Variants in CUX1 observed in about 807,000 individuals in gnomAD.
CUX1 encodes cut like homeobox 1.
Under a neutral mutation model 158.8 loss-of-function variants are expected in CUX1, and 31 were observed. The ratio of observed to expected loss-of-function variants is 0.20; its 90% confidence interval spans 0.15 to 0.26. CUX1 has a LOEUF of 0.26. Among genes scored for constraint, CUX1 ranks in the 10% least tolerant of loss-of-function variants. The pLI is 1.00. For synonymous variants in CUX1, 879 were observed against 862.1 expected (o/e 1.02, Z -0.34); for missense variants, 1,589 against 2,014.6 (o/e 0.79, Z 4.04).
chr7:102,262,068 C>T (rs1334966276), downstream of CUX1, among the ~76,000 whole-genome samples: 1 of 152,170 alleles, frequency 6.6e-6, no homozygotes, highest in Non-Finnish European at 1.5e-5. Context: ...GCTATAATTG[C>T]ACCACTGCAC....
chr7:102,208,292 G>A (rs1189687763), intron 20 of CUX1, among the ~76,000 whole-genome samples: 1 of 152,154 alleles, frequency 6.6e-6, no homozygotes, highest in Non-Finnish European at 1.5e-5. Flanking sequence ...CGCCTAGGCT[G>A]GAGTGCAGTG....
At chr7:102,056,771 A>G (rs976032162) in intron 3 of CUX1, among the ~76,000 whole-genome samples, 43 of 151,832 alleles carry the variant, frequency 2.8e-4, no homozygotes, top group African/African-American at 8.9e-4. Flanking sequence ...GGGTTTCACT[A>G]TGTTGGCCAG....
At chr7:102,176,062 C>A (rs1792286965) in intron 10 of CUX1, among the ~76,000 whole-genome samples, 1 of 152,258 alleles carries the variant, frequency 6.6e-6, no homozygotes. Flanking sequence ...TCCAGCCCCC[C>A]AGGGCCACGC....
At chr7:101,939,269 C>T (rs947761214) in intron 2 of CUX1, among the ~76,000 whole-genome samples, 3 of 151,514 alleles carry the variant, frequency 2.0e-5, no homozygotes, top group African/African-American at 4.9e-5. Context: ...ATGCAGTCTT[C>T]GAGTCTGGCT....
In CUX1 at chr7:102,170,538, G is replaced by A. The variant is rs1554510122; in HGVS notation, c.816G>A (p.Lys272=). The A allele has an allele frequency of 1.3e-6, 2 of 1,581,250 alleles. No individual in the cohort carries two copies. The highest frequency in any genetic ancestry group is 1.7e-6 in the Non-Finnish European group (2 of 1,163,232). The part of the protein sequence containing the change: ...HSLQLASQIQ[K]APDVEQAIEV... ...TCCAGCTGGCCTCACAGATCCAGAA[G>A]GCACCAGACGTGGTGGGTAGCCCCG... Residue 272 remains lysine, a synonymous_variant, in exon 10 of 24, where the codon AAG becomes AAA. Coordinates refer to ENST00000292535, the MANE Select transcript of CUX1 (RefSeq NM_181552.4).
At chr7:101,955,644 G>A (rs1482631614) in intron 2 of CUX1, among the ~76,000 whole-genome samples, 1 of 152,178 alleles carries the variant, frequency 6.6e-6, no homozygotes, top group African/African-American at 2.4e-5. Flanking sequence ...GTCCCAGACT[G>A]TGTCTTTCTG....
intron 2 of CUX1, 40 bp from the exon 3 acceptor site, chr7:102,028,058 T>C (rs1820251219): frequency 1.2e-5 from 20 of 1,610,572 alleles, no homozygotes; most frequent in Non-Finnish European, 1.7e-5. Flanking sequence ...TCTTTCTCCT[T>C]CTCAAATGGC....
At chr7:102,124,591 G>A (rs566007377) in intron 8 of CUX1, among the ~76,000 whole-genome samples, 13 of 152,228 alleles carry the variant, frequency 8.5e-5, no homozygotes, top group African/African-American at 2.2e-4. Flanking sequence ...ACAGAAAGAC[G>A]AATACCACAA....
chr7:102,026,280 G>A (rs948792366), intron 2 of CUX1, among the ~76,000 whole-genome samples: 7 of 152,088 alleles, frequency 4.6e-5, no homozygotes, highest in East Asian at 1.9e-4. Context: ...CACCAGCAAC[G>A]GGTGGCTACC....
chr7:102,280,863 G>A (rs1792010800), intron 20 of CUX1: 1 of 1,611,648 alleles, frequency 6.2e-7, no homozygotes, highest in South Asian at 1.1e-5. Flanking sequence ...TCAGCATGGT[G>A]AGTCCCTGCC....
intron 1 of CUX1, among the ~76,000 whole-genome samples, chr7:101,849,856 CTTT>C (rs964031138): frequency 1.3e-5 from 2 of 150,484 alleles, no homozygotes; most frequent in African/African-American, 4.9e-5. Context: ...TACTTTTTGA[CTTT>C]TTAATAATAG....
chr7:102,282,998 G>A, intron 22 of CUX1: 1 of 1,582,378 alleles, frequency 6.3e-7, no homozygotes, highest in Non-Finnish European at 8.6e-7. Context: ...CTCGGCCTCA[G>A]CAAAGCTTCC....
chr7:102,209,121 C>T (rs1796261273), intron 20 of CUX1, among the ~76,000 whole-genome samples: 1 of 152,212 alleles, frequency 6.6e-6, no homozygotes, highest in Admixed American at 6.5e-5. Flanking sequence ...AAGCTGCTGG[C>T]CCAGGAGTCT....
chr7:102,086,813 C>T (rs1379371871), intron 4 of CUX1, among the ~76,000 whole-genome samples: 1 of 151,984 alleles, frequency 6.6e-6, no homozygotes, highest in Non-Finnish European at 1.5e-5. Context: ...TAGTTTAAAG[C>T]TTTGTTTTGG....
rs1801802084 is a variant in CUX1, at chr7:102,253,988, T to C, written c.*4946T>C. The stretch of plus-strand genomic sequence containing the variant: ...CACCCAGAACCACACCCCACAGAAC[T>C]GTGAGGCACGTGGGCTGGAGAGAGC... On this transcript the variant is annotated 3_prime_UTR_variant, in exon 24 of 24. Transcript: ENST00000292535. 2 of 985,322 alleles carry C rather than the reference T, an allele frequency of 2.0e-6. No individual in the cohort carries two copies. The highest frequency in any genetic ancestry group is 1.7e-5 in the African/African-American group (1 of 57,218). The allele number at this position is 985,322 out of a possible 1,614,324, so 61.0% of individuals were successfully genotyped here.
chr7:102,076,278 G>A (rs1318338657), intron 4 of CUX1, among the ~76,000 whole-genome samples: 1 of 152,064 alleles, frequency 6.6e-6, no homozygotes, highest in Admixed American at 6.6e-5. Context: ...CCAGCTACTT[G>A]GGAGGCTGTG....
Position 102,250,368 on chromosome 7 carries a change from T to C in CUX1, c.*1326T>C. 1.0e-6 allele frequency: 1 copy of C among 985,524 alleles called. No homozygotes were observed. 61.0% of individuals were successfully genotyped at this position (985,524 alleles called of 1,614,324 possible). A position where few individuals can be genotyped will look rare whatever the true frequency, so the allele number is the denominator to read the frequency against. On this transcript the variant is annotated 3_prime_UTR_variant, in exon 24 of 24. Coordinates refer to ENST00000292535, the MANE Select transcript of CUX1 (RefSeq NM_181552.4). ...ATCTCTCTCTGGCACAGAAGGCACC[T>C]CACCTCACACCACTCTCCTGGATAC...
intron 2 of CUX1, among the ~76,000 whole-genome samples, chr7:101,958,772 C>T (rs1383035693): frequency 6.6e-6 from 1 of 150,564 alleles, no homozygotes; most frequent in African/African-American, 2.4e-5. Flanking sequence ...GAGCCACTGG[C>T]CAGTCCTGAA....
Position 102,253,041 on chromosome 7 carries a change from A to G in CUX1, c.*3999A>G. 1 of 985,452 alleles carries G rather than the reference A, an allele frequency of 1.0e-6. No individual in the cohort carries two copies. The highest frequency in any genetic ancestry group is 1.2e-6 in the Non-Finnish European group (1 of 829,940). The allele number at this position is 985,452 out of a possible 1,614,324, so 61.0% of individuals were successfully genotyped here. ...ACTTTGTGCAAGTAATTGAGGCAAA[A>G]GATACCAGTCGACAGCCTCCCTGGG... On this transcript the variant is annotated 3_prime_UTR_variant, in exon 24 of 24. Transcript: ENST00000292535.
Sources: gnomAD v4.1 joint callset for allele counts (sites outside exome capture counted in the v4.1 genomes callset) on GRCh38, gnomAD v4.1.1 for gene constraint, MANE v1.5 for transcripts, NCBI Gene and HGNC (gene_info 2026-07-23, HGNC 2026-07-21) for gene names.